Variants in TERT observed in about 807,000 individuals in gnomAD.
The protein encoded by TERT is telomerase reverse transcriptase, also known as telomerase catalytic subunit.
In TERT, 42 loss-of-function variants were observed where a neutral mutation model predicts 104.0. That is an observed-to-expected ratio of 0.40 (90% CI 0.32 to 0.52). TERT has a LOEUF of 0.52. TERT is among the 20% of genes least tolerant of loss of function. The probability of loss-of-function intolerance (pLI) is 0.43; values close to 1 mark genes in which losing one functional copy is unlikely to be tolerated. For synonymous variants in TERT, 781 were observed against 725.6 expected (o/e 1.08, Z -1.23); for missense variants, 1,101 against 1,610.3 (o/e 0.68, Z 5.41).
At position 1,282,480 on chromosome 5, in the gene TERT, A is replaced by T; in HGVS notation, c.1718T>A (p.Leu573His). The T allele has an allele frequency of 6.2e-7, 1 of 1,614,192 alleles. No homozygotes were observed. ...VTETTFQKNR[L>H]FFYRKSVWSK... is the part of the protein sequence containing the mutation. ...CCAGACACTCTTCCGGTAGAAAAAG[A>T]GCCTGTTCTTTTGAAACGTGGTCTC... Residue 573 changes from leucine to histidine, a missense_variant, in exon 3 of 16, where the codon CTC (leucine) becomes CAC (histidine). Coordinates refer to ENST00000310581, the MANE Select transcript of TERT (RefSeq NM_198253.3).
intron 2 of TERT, among the ~76,000 whole-genome samples, chr5:1,289,797 C>T (rs1750758416): frequency 9.4e-6 from 1 of 105,830 alleles, no homozygotes; most frequent in African/African-American, 4.5e-5. Context: ...CACCCGGGGA[C>T]CGCGCCTCAC....
At chr5:1,259,640 GGA>G (rs1242461033) in intron 12 of TERT, among the ~76,000 whole-genome samples, 36 of 126,206 alleles carry the variant, frequency 2.9e-4, no homozygotes, top group Admixed American at 4.8e-4. Flanking sequence ...GATGCCCACA[GGA>G]GAGAGGGAGT....
chr5:1,271,011 G>A, intron 8 of TERT, 108 bp downstream of exon 8: 2 of 878,756 alleles, frequency 2.3e-6, no homozygotes, highest in Admixed American at 2.1e-5. Context: ...AGACTCTGGT[G>A]GCCCCGGGCA....
intron 2 of TERT, among the ~76,000 whole-genome samples, chr5:1,290,621 C>G (rs1199053353): frequency 4.1e-5 from 3 of 73,332 alleles, no homozygotes; most frequent in Non-Finnish European, 7.6e-5. Context: ...CTGAACGTGA[C>G]AGGGACACCC....
In TERT at chr5:1,265,163, A is replaced by T. The variant is rs1384259183; in HGVS notation, c.2655-571T>A. 6.6e-6 allele frequency among the ~76,000 whole-genome samples: 1 copy of T among 152,162 alleles called. No homozygotes were observed. The highest frequency in any genetic ancestry group is 1.5e-5 in the Non-Finnish European group (1 of 68,012). On this transcript the variant is annotated intron_variant, in intron 10 of 15. Coordinates refer to ENST00000310581, the MANE Select transcript of TERT (RefSeq NM_198253.3). This position sits in a 1 kb window ranked among gnomAD's most constrained non-coding sequence, Gnocchi z 6.9. ...GTCAAGGAGGTTCCCTCGCCGAGTC[A>T]TGAGCCTCGCTCACCCAGCTCAGGG...
rs111737057 is a variant in TERT, at chr5:1,274,397, CG to C, written c.2287-2118del. Reference sequence around the variant, plus strand: ...AGAAAAGCCAATATATCAACACTGACGAGAGGCTGCTGAAGCAGGTCTTTAG... The same window carrying C: ...AGAAAAGCCAATATATCAACACTGACAGAGGCTGCTGAAGCAGGTCTTTAG... On this transcript the variant is annotated intron_variant, in intron 6 of 15. Transcript: ENST00000310581. The surrounding 1 kb of genome is among the most constrained non-coding windows in gnomAD (Gnocchi z 5.3). Among the ~76,000 whole-genome samples, 226 of 152,298 alleles carry C rather than the reference CG, an allele frequency of 1.5e-3. 1 individual carries two copies. The highest frequency in any genetic ancestry group is 5.3e-3 in the African/African-American group (219 of 41,544).
At chr5:1,284,596 A>C (rs1305318236) in intron 2 of TERT, among the ~76,000 whole-genome samples, 1 of 118,982 alleles carries the variant, frequency 8.4e-6, no homozygotes, top group Admixed American at 8.9e-5. Flanking sequence ...CCATCTGGAC[A>C]CTGCACATCC....
At position 1,283,190 on chromosome 5, in the gene TERT, G is replaced by A. The variant is rs571797359; in HGVS notation, c.1574-566C>T. ...ACCTCACCCCAGACCTGCACCATCC[G>A]GACACCACACATCCAGCTAACCGCA... On this transcript the variant is annotated intron_variant, in intron 2 of 15. Transcript: ENST00000310581. Among the ~76,000 whole-genome samples, 116 of 125,968 alleles carry A rather than the reference G, an allele frequency of 9.2e-4. 1 individual carries two copies. Among genetic ancestry groups the A allele is most frequent in the Middle Eastern group, 0.013 (2 of 158 alleles). 82.6% of individuals were successfully genotyped at this position (125,968 alleles called of 152,430 possible).
At position 1,280,286 on chromosome 5, in the gene TERT, G is replaced by T. The variant is rs1214190480; in HGVS notation, c.1822C>A (p.Gln608Lys). 1 of 1,613,708 alleles carries T rather than the reference G, an allele frequency of 6.2e-7. No individual in the cohort carries two copies. The highest frequency in any genetic ancestry group is 1.3e-5 in the African/African-American group (1 of 75,066). ...LRELSEAEVR[Q>K]HREARPALLT... The stretch of plus-strand genomic sequence containing the variant: ...AGGGCGGGCCTGGCTTCCCGATGCT[G>T]CCTGACCTCTGCTTCCGACAGCTCC... Residue 608 changes from glutamine (Q) to lysine (K), a missense_variant, in exon 4 of 16, where the codon CAG becomes AAG. This residue lies in a region of TERT where 463 missense variants were observed against 797.5 expected (regional missense o/e 0.58). Transcript: ENST00000310581.
Position 1,270,732 on chromosome 5 carries a change from G to C in TERT, c.2468+387C>G, listed in dbSNP as rs995420383. On this transcript the variant is annotated intron_variant, in intron 8 of 15. Transcript: ENST00000310581. This position sits in a 1 kb window ranked among gnomAD's most constrained non-coding sequence, Gnocchi z 8.3. ...CGGATAAAATCCTTTTGTATCGGGAGAGAGAGATACAAGCGTGTGAGAGCC... is the reference window on the plus strand; with the variant it reads ...CGGATAAAATCCTTTTGTATCGGGACAGAGAGATACAAGCGTGTGAGAGCC... Among the ~76,000 whole-genome samples, 5 of 152,270 alleles carry C rather than the reference G, an allele frequency of 3.3e-5. No individual in the cohort carries two copies. The highest frequency in any genetic ancestry group is 5.9e-5 in the Non-Finnish European group (4 of 68,050).
intron 2 of TERT, among the ~76,000 whole-genome samples, chr5:1,284,038 G>A (rs1750275555): frequency 6.8e-6 from 1 of 146,714 alleles, no homozygotes. Context: ...CCCCGGACCT[G>A]CACCATCCGG....
chr5:1,264,479 G>T lies in TERT; in HGVS notation c.2768C>A (p.Pro923Gln). ...ALGGTAFVQM[P>Q]AHGLFPWCGL... ...GCACCAGGGGAATAGGCCGTGGGCC[G>T]GCATCTGAACAAAAGCCGTGCCACC... Residue 923 changes from proline (P) to glutamine (Q), a missense_variant, in exon 11 of 16, where the codon CCG becomes CAG. Physicochemically the swap from Pro to Gln is moderately conservative, Grantham distance 76 (BLOSUM62 -1). Coordinates refer to ENST00000310581, the MANE Select transcript of TERT (RefSeq NM_198253.3). 6.2e-7 allele frequency: 1 copy of T among 1,613,880 alleles called. No homozygotes were observed. The highest frequency in any genetic ancestry group is 8.5e-7 in the Non-Finnish European group (1 of 1,180,034).
Position 1,288,074 on chromosome 5 carries a change from CAAAG to C in TERT, c.1573+5235_1573+5238del, listed in dbSNP as rs1458702867. Among the ~76,000 whole-genome samples the C allele has an allele frequency of 6.6e-6, 1 of 152,096 alleles. No individual in the cohort carries two copies. Among genetic ancestry groups the C allele is most frequent in the Non-Finnish European group, 1.5e-5 (1 of 68,022 alleles). ...AACAGTGTTCAAATAACTCACTGCT[CAAAG>C]AAATCACAGAATAAGCTAAAGAATA... On this transcript the variant is annotated intron_variant, in intron 2 of 15. Coordinates refer to ENST00000310581, the MANE Select transcript of TERT (RefSeq NM_198253.3). This position sits in a 1 kb window ranked among gnomAD's most constrained non-coding sequence, Gnocchi z 5.3.
At position 1,256,520 on chromosome 5, in the gene TERT, C is replaced by G. The variant is rs1273586495; in HGVS notation, c.3033-1109G>C. On this transcript the variant is annotated intron_variant, in intron 13 of 15. Coordinates refer to ENST00000310581, the MANE Select transcript of TERT (RefSeq NM_198253.3). The surrounding 1 kb of genome is among the most constrained non-coding windows in gnomAD (Gnocchi z 7.0). ...GAGCCCCCCATGTACCTGGCCTCAC[C>G]CACTGCCTGAGCCCCCCGTGTACCT... Among the ~76,000 whole-genome samples, 1 of 143,224 alleles carries G rather than the reference C, an allele frequency of 7.0e-6. No homozygotes were observed. Among genetic ancestry groups the G allele is most frequent in the Non-Finnish European group, 1.5e-5 (1 of 65,998 alleles). 94.0% of individuals were successfully genotyped at this position (143,224 alleles called of 152,430 possible).
chr5:1,274,963 T>C lies in TERT; in HGVS notation c.2287-2683A>G, dbSNP rs1344366287. ...CGGGAAATCAGCACACGTGAAACTCTTCTGTGAAGAGAGTCATGAAATGGA... is the reference window on the plus strand; with the variant it reads ...CGGGAAATCAGCACACGTGAAACTCCTCTGTGAAGAGAGTCATGAAATGGA... On this transcript the variant is annotated intron_variant, in intron 6 of 15. Transcript: ENST00000310581. This position sits in a 1 kb window ranked among gnomAD's most constrained non-coding sequence, Gnocchi z 5.3. Among the ~76,000 whole-genome samples the C allele has an allele frequency of 6.6e-6, 1 of 152,194 alleles. No homozygotes were observed. The highest frequency in any genetic ancestry group is 2.4e-5 in the African/African-American group (1 of 41,438).
In TERT at chr5:1,268,756, G is replaced by A. The variant is rs1177567522; in HGVS notation, c.2469-123C>T. 13 of 662,822 alleles carry A rather than the reference G, an allele frequency of 2.0e-5. No homozygotes were observed. Among genetic ancestry groups the A allele is most frequent in the Admixed American group, 6.6e-5 (3 of 45,304 alleles). 41.1% of individuals were successfully genotyped at this position (662,822 alleles called of 1,614,324 possible). A position where few individuals can be genotyped will look rare whatever the true frequency, so the allele number is the denominator to read the frequency against. ...CAAACGACACGTCTACCATTCAGCC[G>A]GCAAACACCTCAGAAACATACCAGA... On this transcript the variant is annotated intron_variant, in intron 8 of 15. Coordinates refer to ENST00000310581, the MANE Select transcript of TERT (RefSeq NM_198253.3). The surrounding 1 kb of genome is among the most constrained non-coding windows in gnomAD (Gnocchi z 5.5).
intron 14 of TERT, among the ~76,000 whole-genome samples, chr5:1,254,845 G>A (rs992116154): frequency 6.6e-6 from 1 of 151,882 alleles, no homozygotes; most frequent in Non-Finnish European, 1.5e-5. Context: ...GGGCTCTGTC[G>A]TGGTGATACG....
rs1025960647 is a variant in TERT at position 1,274,649 on chromosome 5, G to A, written c.2287-2369C>T. Among the ~76,000 whole-genome samples, 22 of 152,200 alleles carry A rather than the reference G, an allele frequency of 1.4e-4. No individual in the cohort carries two copies. Among genetic ancestry groups the A allele is most frequent in the African/African-American group, 5.1e-4 (21 of 41,456 alleles). On this transcript the variant is annotated intron_variant, in intron 6 of 15. Transcript: ENST00000310581. The surrounding 1 kb of genome is among the most constrained non-coding windows in gnomAD (Gnocchi z 5.3). Reference sequence around the variant, plus strand: ...CCGCATGCCACTGCTGATCTGAGAGGGGCGGGGCTCAGGCGGGAACGCTGG... The same window carrying A: ...CCGCATGCCACTGCTGATCTGAGAGAGGCGGGGCTCAGGCGGGAACGCTGG...
chr5:1,253,783 A>T lies in TERT; in HGVS notation c.3344T>A (p.Leu1115Gln). 1 of 1,612,230 alleles carries T rather than the reference A, an allele frequency of 6.2e-7. No individual in the cohort carries two copies. The highest frequency in any genetic ancestry group is 8.5e-7 in the Non-Finnish European group (1 of 1,179,802). Reference sequence around the variant, plus strand: ...CAGTGCCGGGTTGGCTGCGGCCTCCAGGGCAGTCAGCGTCGTCCCCGGGAG... The same window carrying T: ...CAGTGCCGGGTTGGCTGCGGCCTCCTGGGCAGTCAGCGTCGTCCCCGGGAG... The part of the protein sequence containing the change: ...RKLPGTTLTA[L>Q]EAAANPALPS... The change falls in exon 16 of 16, where the codon CTG becomes CAG. Residue 1115 changes from leucine (L) to glutamine (Q), a missense_variant. Transcript: ENST00000310581.
Sources: gnomAD v4.1 joint callset for allele counts (sites outside exome capture counted in the v4.1 genomes callset) on GRCh38, gnomAD v4.1.1 for gene constraint, gnomAD v4.1.1 regional missense constraint, Gnocchi (gnomAD v3.1) non-coding constraint, MANE v1.5 for transcripts, NCBI Gene and HGNC (gene_info 2026-07-23, HGNC 2026-07-21) for gene names.